Variants in CILP observed in about 807,000 individuals in gnomAD.
CILP encodes the protein cartilage intermediate layer protein 1.
Under a neutral mutation model 82.5 loss-of-function variants are expected in CILP, and 75 were observed. The ratio of observed to expected loss-of-function variants is 0.91; its 90% CI spans 0.75 to 1.10. The LOEUF (loss-of-function observed/expected upper bound fraction) is 1.10. Ranked by LOEUF, CILP falls within the 50% of genes least tolerant of loss-of-function variation. The pLI, the probability that CILP is intolerant of heterozygous loss-of-function variation, is 0.00. For missense variants in CILP, 1,479 were observed against 1,530.8 expected (o/e 0.97, Z 0.56); for synonymous variants, 530 against 580.3 (o/e 0.91, Z 1.25).
chr15:65,204,468 C>T lies in CILP; in HGVS notation c.719G>A (p.Gly240Glu). 2 of 1,614,008 alleles carry T rather than the reference C, an allele frequency of 1.2e-6. No individual in the cohort carries two copies. Among genetic ancestry groups the T allele is most frequent in the Non-Finnish European group, 1.7e-6 (2 of 1,179,984 alleles). The change falls in exon 6 of 9, where the codon GGG (glycine) becomes GAG (glutamate). Residue 240 changes from glycine (G) to glutamate (E), a missense_variant. Physicochemically the swap from Gly to Glu is moderately conservative, Grantham distance 98 (BLOSUM62 -2). Transcript: ENST00000261883. ...VSLPGGAPAS[G>E]AAIYLLTKTP... ...CTTGGTCAGGAGGTAGATAGCAGCC[C>T]CTGAGGCTGGGGCACCTCCGGGAAG...
rs1475516496 is a variant in CILP, at chr15:65,196,778, C to G, written c.3508G>C (p.Ala1170Pro). 17 of 1,580,980 alleles carry G rather than the reference C, an allele frequency of 1.1e-5. No individual in the cohort carries two copies. The highest frequency in any genetic ancestry group is 1.5e-5 in the Non-Finnish European group (17 of 1,161,740). Residue 1170 changes from alanine to proline, a missense_variant, in exon 9 of 9, where the codon GCC becomes CCC. Coordinates refer to ENST00000261883, the MANE Select transcript of CILP (RefSeq NM_003613.4). ...RGGQRQGGVV[A>P]SLRFPRVAQQ... ...GCAACTCTAGGAAATCTCAGAGAGGCCACCACTCCACCCTGGCGCTGGCCA... is the reference window on the plus strand; with the variant it reads ...GCAACTCTAGGAAATCTCAGAGAGGGCACCACTCCACCCTGGCGCTGGCCA...
Position 65,205,414 on chromosome 15 carries a change from G to C in CILP, c.477C>G (p.Ser159Arg). The C allele has an allele frequency of 6.2e-7, 1 of 1,614,032 alleles. No homozygotes were observed. Among genetic ancestry groups the C allele is most frequent in the East Asian group, 2.2e-5 (1 of 44,872 alleles). Residue 159 changes from serine (S) to arginine (R), a missense_variant, in exon 5 of 9, where the codon AGC (serine) becomes AGG (arginine). Physicochemically the swap from Ser to Arg is moderately radical, Grantham distance 110. Coordinates refer to ENST00000261883, the MANE Select transcript of CILP (RefSeq NM_003613.4). ...ERIWSPWSPW[S>R]KCSAACGQTG... ...TCTGACCACAGGCAGCTGAGCACTTGCTCCAGGGAGACCATGGGCTCCAGA... is the reference window on the plus strand; with the variant it reads ...TCTGACCACAGGCAGCTGAGCACTTCCTCCAGGGAGACCATGGGCTCCAGA...
rs1479629951 is a variant in CILP, at chr15:65,198,852, C to T, written c.1434G>A (p.Lys478=). 6.8e-6 allele frequency: 11 copies of T among 1,613,990 alleles called. No individual in the cohort carries two copies. The highest frequency in any genetic ancestry group is 7.6e-6 in the Non-Finnish European group (9 of 1,180,044). ...CCGTACACCGCTGGCAGCTGCACTC[C>T]TTGGCCACCTTGGTGGGTAGCGTGT... The part of the protein sequence containing the change: ...SGYTLPTKVA[K]ECSCQRCTET... The change falls in exon 9 of 9, where the codon AAG becomes AAA. Residue 478 remains lysine (K), a synonymous_variant. Transcript: ENST00000261883.
rs760973054 is a variant in CILP, at chr15:65,201,984, C to T, written c.1074G>A (p.Glu358=). The T allele has an allele frequency of 6.2e-7, 1 of 1,604,172 alleles. No homozygotes were observed. The highest frequency in any genetic ancestry group is 1.1e-5 in the South Asian group (1 of 89,232). Residue 358 remains glutamate, a synonymous_variant, in exon 8 of 9, where the codon GAG becomes GAA. Coordinates refer to ENST00000261883, the MANE Select transcript of CILP (RefSeq NM_003613.4). ...GCAGTTTCCTCAGCACCAGCTTGCT[C>T]TCATGCTTGTAGAGGGAAGGATCCA... ...TLLDPSLYKH[E]SKLVLRKLQQ...
In CILP at chr15:65,207,723, G is replaced by T; in HGVS notation, c.103C>A (p.Pro35Thr). The change falls in exon 3 of 9, where the codon CCT becomes ACT. Residue 35 changes from proline (P) to threonine (T), a missense_variant. Transcript: ENST00000261883. ...MLTQSVRRVQ[P>T]GKKNPSIFAK... ...AAGATGCTGGGGTTCTTCTTCCCAG[G>T]CTGGACTCTTCTTACTGACTGGGTG... is the stretch of plus-strand genomic sequence containing the variant. 2 of 1,614,112 alleles carry T rather than the reference G, an allele frequency of 1.2e-6. No individual in the cohort carries two copies. The highest frequency in any genetic ancestry group is 1.7e-6 in the Non-Finnish European group (2 of 1,180,012).
At chr15:65,201,009 CTT>C (rs58235948) in intron 8 of CILP, among the ~76,000 whole-genome samples, 74 of 150,570 alleles carry the variant, frequency 4.9e-4, no homozygotes, top group African/African-American at 1.8e-3. Flanking sequence ...TCTTCTTCTT[CTT>C]TTTTTTTTGA....
Position 65,203,410 on chromosome 15 carries a change from G to A in CILP, c.980C>T (p.Ser327Phe). 1.9e-6 allele frequency: 3 copies of A among 1,613,134 alleles called. No individual in the cohort carries two copies. The highest frequency in any genetic ancestry group is 4.5e-5 in the East Asian group (2 of 44,884). The change falls in exon 7 of 9, where the codon TCT becomes TTT. Residue 327 changes from serine (S) to phenylalanine (F), a missense_variant. Ser to Phe is a radical substitution (Grantham distance 155, BLOSUM62 -2). Transcript: ENST00000261883. ...CTTCCCTGTGGCCTTACAGCACAGAGACACGCTCTGCCCAGCTCTCCGTGC... is the reference window on the plus strand; with the variant it reads ...CTTCCCTGTGGCCTTACAGCACAGAAACACGCTCTGCCCAGCTCTCCGTGC... Reference protein sequence around the residue: ...TKARRAGQSVSLCCKATGKPR... With the variant: ...TKARRAGQSVFLCCKATGKPR...
In CILP at chr15:65,198,007, C is replaced by T. The variant is rs769904740; in HGVS notation, c.2279G>A (p.Arg760Gln). 29 of 1,614,092 alleles carry T rather than the reference C, an allele frequency of 1.8e-5. No homozygotes were observed. The highest frequency in any genetic ancestry group is 5.5e-5 in the South Asian group (5 of 91,092). The change falls in exon 9 of 9, where the codon CGG becomes CAG. Residue 760 changes from arginine to glutamine, a missense_variant. Arg to Gln is a conservative substitution (Grantham distance 43). Coordinates refer to ENST00000261883, the MANE Select transcript of CILP (RefSeq NM_003613.4). ...CTCACTAGGCAAGAACCTCTCACTC[C>T]GGTAGGCCCTCACCTTAACAAAGCA... is the stretch of plus-strand genomic sequence containing the variant. ...RRCFVKVRAY[R>Q]SERFLPSEQI...
chr15:65,202,924 CT>C lies in CILP; in HGVS notation c.1028+437del, dbSNP rs542183923. Among the ~76,000 whole-genome samples the C allele has an allele frequency of 2.4e-3, 361 of 151,528 alleles. 1 individual carries two copies. The highest frequency in any genetic ancestry group is 4.3e-3 in the Non-Finnish European group (294 of 67,910). The stretch of plus-strand genomic sequence containing the variant: ...GATCACAGCTCACTGCAACCTCCGC[CT>C]CCTGGACTCAAGCGATCCTCCTACC... On this transcript the variant is annotated intron_variant, in intron 7 of 8. Transcript: ENST00000261883.
intron 8 of CILP, 63 bp downstream of exon 8, chr15:65,201,809 C>T: frequency 2.5e-6 from 3 of 1,207,048 alleles, no homozygotes; most frequent in Non-Finnish European, 3.4e-6. Context: ...TAGTTATGCC[C>T]ACCTGGGTGC....
chr15:65,197,876 T>C lies in CILP; in HGVS notation c.2410A>G (p.Asn804Asp). The change falls in exon 9 of 9, where the codon AAC (asparagine) becomes GAC (aspartate). Residue 804 changes from asparagine to aspartate, a missense_variant. Physicochemically the swap from Asn to Asp is conservative, Grantham distance 23. Transcript: ENST00000261883. Reference sequence around the variant, plus strand: ...CAGAAGGCAGGCACACAGGCCCCGTTGGGGCCTGTGATGACACTGTCAAAG... The same window carrying C: ...CAGAAGGCAGGCACACAGGCCCCGTCGGGGCCTGTGATGACACTGTCAAAG... ...GRFDSVITGP[N>D]GACVPAFCDD... The C allele has an allele frequency of 6.2e-7, 1 of 1,613,614 alleles. No homozygotes were observed. Among genetic ancestry groups the C allele is most frequent in the South Asian group, 1.1e-5 (1 of 91,058 alleles).
chr15:65,201,335 T>C (rs766744649), intron 8 of CILP, among the ~76,000 whole-genome samples: 5 of 152,084 alleles, frequency 3.3e-5, no homozygotes, highest in Non-Finnish European at 7.4e-5. Context: ...TTGTCGCTTA[T>C]TTACATGTCT....
rs900877720 is a variant in CILP at position 65,199,696 on chromosome 15, G to A, written c.1187-597C>T. Among the ~76,000 whole-genome samples the A allele has an allele frequency of 2.6e-5, 4 of 152,290 alleles. No homozygotes were observed. In the South Asian group the frequency reaches 6.2e-4, roughly 24 times the overall value. ...AAATCAGCTGGGCATGGTGGCACAC[G>A]CCTGTAGTCCCAGCTACTCAGGAGG... On this transcript the variant is annotated intron_variant, in intron 8 of 8. Transcript: ENST00000261883.
Position 65,205,373 on chromosome 15 carries a change from C to T in CILP, c.518G>A (p.Arg173His), listed in dbSNP as rs369581577. The change falls in exon 5 of 9, where the codon CGC (arginine) becomes CAC (histidine). Residue 173 changes from arginine (R) to histidine (H), a missense_variant. Transcript: ENST00000261883. ...AACGQTGVQT[R>H]TRICLAEMVS... ...CATCTCTGCCAAGCAAATGCGTGTG[C>T]GAGTCTGGACCCCAGTCTGACCACA... 1.9e-5 allele frequency: 30 copies of T among 1,613,974 alleles called. No homozygotes were observed. The African/African-American group carries it at 2.3e-4, about 12-fold the overall frequency.
rs1169476952 is a variant in CILP at position 65,195,068 on chromosome 15, A to C, written c.*1663T>G. On this transcript the variant is annotated 3_prime_UTR_variant, in exon 9 of 9. Transcript: ENST00000261883. ...CAGATGTGGAGTCTGGAAGTGGGTC[A>C]AGTTGCAATCACAAGACCACTAGTC... The C allele has an allele frequency of 6.6e-6, 1 of 152,180 alleles. No individual in the cohort carries two copies. The highest frequency in any genetic ancestry group is 1.5e-5 in the Non-Finnish European group (1 of 68,054). 9.4% of individuals were successfully genotyped at this position (152,180 alleles called of 1,614,324 possible).
chr15:65,196,714 G>A lies in CILP; in HGVS notation c.*17C>T, dbSNP rs2088365297. ...TCACATGAAATGAGGGCAGAAGAGG[G>A]TGAAGTACCACAAAACTTAGTTGAT... On this transcript the variant is annotated 3_prime_UTR_variant, in exon 9 of 9. Coordinates refer to ENST00000261883, the MANE Select transcript of CILP (RefSeq NM_003613.4). The A allele has an allele frequency of 6.6e-7, 1 of 1,515,626 alleles. No homozygotes were observed. Among genetic ancestry groups the A allele is most frequent in the Non-Finnish European group, 8.9e-7 (1 of 1,128,230 alleles). The allele number at this position is 1,515,626 out of a possible 1,614,324, so 93.9% of individuals were successfully genotyped here.
intron 7 of CILP, among the ~76,000 whole-genome samples, chr15:65,202,619 GGTTTC>G (rs1414217562): frequency 6.6e-6 from 1 of 151,812 alleles, no homozygotes; most frequent in East Asian, 1.9e-4. Context: ...GTAGATATGG[GGTTTC>G]ACCATGTTGG....
chr15:65,204,890 G>A (rs763437354), intron 5 of CILP, among the ~76,000 whole-genome samples: 1 of 152,014 alleles, frequency 6.6e-6, no homozygotes, highest in Admixed American at 6.6e-5. Flanking sequence ...ATGGTGACAC[G>A]CACCTGTAAT....
chr15:65,194,763 G>A lies in CILP; in HGVS notation c.*1968C>T, dbSNP rs1353877157. The A allele has an allele frequency of 2.0e-5, 3 of 152,122 alleles. No individual in the cohort carries two copies. The highest frequency in any genetic ancestry group is 4.4e-5 in the Non-Finnish European group (3 of 68,056). The allele number at this position is 152,122 out of a possible 1,614,324, so 9.4% of individuals were successfully genotyped here. On this transcript the variant is annotated 3_prime_UTR_variant, in exon 9 of 9. Transcript: ENST00000261883. ...GAAAAAGTCAGGCATCAGATGCTGT[G>A]TGCTGGAGTCCATTTATTCAGGCCC...
Sources: gnomAD v4.1 joint callset for allele counts (sites outside exome capture counted in the v4.1 genomes callset) on GRCh38, gnomAD v4.1.1 for gene constraint, MANE v1.5 for transcripts, NCBI Gene and HGNC (gene_info 2026-07-23, HGNC 2026-07-21) for gene names.